The following DYRK1A variants were observed in gnomAD, a reference collection of about 807,000 sequenced individuals.
DYRK1A encodes the protein dual specificity tyrosine-phosphorylation-regulated kinase 1A.
A neutral mutation model predicts 79.7 loss-of-function variants in DYRK1A; 9 were observed. That is an observed-to-expected ratio of 0.11 (90% CI 0.07 to 0.20). DYRK1A has a LOEUF of 0.20. Ranked by LOEUF, DYRK1A falls within the 10% of genes least tolerant of loss-of-function variation. DYRK1A has a pLI of 1.00. For missense variants in DYRK1A, 622 were observed against 956.0 expected (o/e 0.65, Z 4.61); for synonymous variants, 349 against 329.7 (o/e 1.06, Z -0.63).
At chr21:37,423,154 C>A (rs953448651) in intron 2 of DYRK1A, among the ~76,000 whole-genome samples, 2 of 152,132 alleles carry the variant, frequency 1.3e-5, no homozygotes, top group African/African-American at 4.8e-5. Flanking sequence ...GAATTCAAGG[C>A]ATGCAGAGAG....
At chr21:37,451,350 G>GTCCCTCTA (rs2051440664) in intron 2 of DYRK1A, among the ~76,000 whole-genome samples, 1 of 123,358 alleles carries the variant, frequency 8.1e-6, no homozygotes, top group Admixed American at 9.1e-5. Context: ...CTTCCTCTCC[G>GTCCCTCTA]TCCCTCCATC....
intron 1 of DYRK1A, among the ~76,000 whole-genome samples, chr21:37,388,477 A>G (rs2049805853): frequency 6.6e-6 from 1 of 152,150 alleles, no homozygotes; most frequent in Admixed American, 6.5e-5. Flanking sequence ...ATGCTGTAGC[A>G]CCAATTCCTT....
rs146572769 is a variant in DYRK1A, at chr21:37,390,256, T to C, written c.-77+22628T>C. Among the ~76,000 whole-genome samples, 3 of 152,322 alleles carry C rather than the reference T, an allele frequency of 2.0e-5. No individual in the cohort carries two copies. In the East Asian group the frequency reaches 5.8e-4, roughly 29 times the overall value. ...GGGTTTGGGCCGCAATTTTGGGGTC[T>C]TATTACCTTTATTTATTTTTCTTGA... On this transcript the variant is annotated intron_variant, in intron 1 of 11. Coordinates refer to ENST00000647188, the MANE Select transcript of DYRK1A (RefSeq NM_001347721.2).
intron 5 of DYRK1A, among the ~76,000 whole-genome samples, chr21:37,482,044 G>A (rs552473692): frequency 3.3e-5 from 5 of 152,250 alleles, no homozygotes; most frequent in East Asian, 1.9e-4. Flanking sequence ...TTGACTTTTC[G>A]ATGATGAGGA....
At chr21:37,440,150 T>TTTTTTTTTTTTTTTTTTTTTTG (rs1389064361) in intron 2 of DYRK1A, among the ~76,000 whole-genome samples, 1 of 131,704 alleles carries the variant, frequency 7.6e-6, no homozygotes, top group Non-Finnish European at 1.6e-5. Context: ...TTTTTTTTTT[T>TTTTTTTTTTTTTTTTTTTTTTG]TTTGAGACGG....
chr21:37,500,639 T>C (rs1467474238), intron 9 of DYRK1A, among the ~76,000 whole-genome samples: 1 of 152,184 alleles, frequency 6.6e-6, no homozygotes, highest in Non-Finnish European at 1.5e-5. Flanking sequence ...AATTTATGTT[T>C]TTTGATGAAA....
At chr21:37,388,879 C>T (rs1194058179) in intron 1 of DYRK1A, among the ~76,000 whole-genome samples, 1 of 151,858 alleles carries the variant, frequency 6.6e-6, no homozygotes. Flanking sequence ...CTCCTGACCT[C>T]GTGATCCACC....
intron 2 of DYRK1A, among the ~76,000 whole-genome samples, chr21:37,454,276 A>G (rs2051561473): frequency 6.6e-6 from 1 of 151,754 alleles, no homozygotes; most frequent in Non-Finnish European, 1.5e-5. Flanking sequence ...ACGTTTTTGT[A>G]GAGATGGGAT....
At chr21:37,500,237 A>G (rs971856571) in intron 9 of DYRK1A, among the ~76,000 whole-genome samples, 1 of 152,166 alleles carries the variant, frequency 6.6e-6, no homozygotes, top group Non-Finnish European at 1.5e-5. Context: ...CTGCACGTAT[A>G]GAGATCATCA....
Position 37,424,895 on chromosome 21 carries a change from CTTAA to C in DYRK1A, c.10+4514_10+4517del, listed in dbSNP as rs1362098649. On this transcript the variant is annotated intron_variant, in intron 2 of 11. Transcript: ENST00000647188. ...CACTCTGTACATTACAAGAATGTCT[CTTAA>C]TTTATTTTTCTCAGCATTGAGTATT... Among the ~76,000 whole-genome samples the C allele has an allele frequency of 7.2e-5, 11 of 152,206 alleles. No individual in the cohort carries two copies. In the East Asian group the frequency reaches 2.1e-3, roughly 29 times the overall value.
At chr21:37,453,666 A>G (rs776766275) in intron 2 of DYRK1A, among the ~76,000 whole-genome samples, 23 of 152,038 alleles carry the variant, frequency 1.5e-4, no homozygotes, top group Non-Finnish European at 2.6e-4. Flanking sequence ...TAAGAGACTT[A>G]ACTCCAGTTT....
intron 5 of DYRK1A, chr21:37,481,074 T>C (rs1403993410): frequency 2.0e-5 from 8 of 394,856 alleles, no homozygotes; most frequent in Admixed American, 4.3e-5. Flanking sequence ...CTGGTGAATT[T>C]TAATCACTTA....
At chr21:37,450,417 T>C (rs987370888) in intron 2 of DYRK1A, among the ~76,000 whole-genome samples, 9 of 152,202 alleles carry the variant, frequency 5.9e-5, no homozygotes, top group Non-Finnish European at 1.3e-4. Flanking sequence ...TTTATCACGT[T>C]GTTAAGCCTC....
chr21:37,397,528 C>T (rs1459371479), intron 1 of DYRK1A, among the ~76,000 whole-genome samples: 1 of 152,136 alleles, frequency 6.6e-6, no homozygotes, highest in Admixed American at 6.5e-5. Flanking sequence ...CACATTTAGT[C>T]ACAAGGGACA....
chr21:37,418,319 G>A (rs546624234), intron 1 of DYRK1A, among the ~76,000 whole-genome samples: 4 of 152,246 alleles, frequency 2.6e-5, no homozygotes, highest in Middle Eastern at 3.4e-3. Flanking sequence ...TTTCATATGA[G>A]TAATGATTAA....
At chr21:37,480,144 T>C (rs928999020) in intron 4 of DYRK1A, among the ~76,000 whole-genome samples, 1 of 152,168 alleles carries the variant, frequency 6.6e-6, no homozygotes, top group Non-Finnish European at 1.5e-5. Context: ...TAAAATCAAA[T>C]ATAAATAAAT....
intron 8 of DYRK1A, among the ~76,000 whole-genome samples, chr21:37,495,276 A>T (rs1256833826): frequency 6.6e-6 from 1 of 151,534 alleles, no homozygotes; most frequent in African/African-American, 2.4e-5. Flanking sequence ...TTGGGAGGTC[A>T]AGGTGGGAGG....
At position 37,479,612 on chromosome 21, in the gene DYRK1A, G is replaced by GTTTTTTTTTTTTTTTTTTTT. The variant is rs367673016; in HGVS notation, c.301-1020_301-1019insTTTTTTTTTTTTTTTTTTTT. ...GTGTTTTGTTTTTGTTTTTGTTTTTGTTTTTTGTTTTTTTTTTTTTTTTTG... is the reference window on the plus strand; with the variant it reads ...GTGTTTTGTTTTTGTTTTTGTTTTTGTTTTTTTTTTTTTTTTTTTTTTTTTTGTTTTTTTTTTTTTTTTTG... On this transcript the variant is annotated intron_variant, in intron 4 of 11. Coordinates refer to ENST00000647188, the MANE Select transcript of DYRK1A (RefSeq NM_001347721.2). Among the ~76,000 whole-genome samples, 80 of 47,180 alleles carry GTTTTTTTTTTTTTTTTTTTT rather than the reference G, an allele frequency of 1.7e-3. 9 individuals carry two copies. The highest frequency in any genetic ancestry group is 4.0e-3 in the East Asian group (5 of 1,244). 31.0% of individuals were successfully genotyped at this position (47,180 alleles called of 152,430 possible). A position where few individuals can be genotyped will look rare whatever the true frequency, so the allele number is the denominator to read the frequency against.
chr21:37,474,892 T>C (rs1205814865), intron 3 of DYRK1A, among the ~76,000 whole-genome samples: 1 of 152,190 alleles, frequency 6.6e-6, no homozygotes, highest in African/African-American at 2.4e-5. Context: ...TTATAGATGC[T>C]ATTCAGCTTT....
Sources: allele counts gnomAD v4.1 joint callset (sites outside exome capture counted in the v4.1 genomes callset), GRCh38; gene constraint gnomAD v4.1.1; transcripts MANE v1.5; gene names NCBI Gene and HGNC (gene_info 2026-07-23, HGNC 2026-07-21).